PROS1: variants seen among roughly 807,000 people sequenced by gnomAD.
The protein encoded by PROS1 is protein S.
A neutral mutation model predicts 75.9 loss-of-function variants in PROS1; 29 were observed. The observed-to-expected ratio is 0.38, with a 90% CI of 0.28 to 0.52. The LOEUF is 0.52. Among genes scored for constraint, PROS1 ranks in the 20% least tolerant of loss-of-function variants. PROS1 has a pLI of 0.83. For synonymous variants in PROS1, 245 were observed against 280.6 expected, an observed-to-expected ratio of 0.87 and a Z score of 1.27; for missense variants, 680 against 810.3, an observed-to-expected ratio of 0.84 and a Z score of 1.95.
chr3:93,934,935 GA>G (rs571538273), intron 1 of PROS1, among the ~76,000 whole-genome samples: 277 of 139,222 alleles, frequency 2.0e-3, no homozygotes, highest in Non-Finnish European at 2.3e-3. Context: ...CCCTTTCTAG[GA>G]AAAAAAAAAA....
At chr3:93,935,947 G>A (rs1212842334) in intron 1 of PROS1, among the ~76,000 whole-genome samples, 4 of 138,686 alleles carry the variant, frequency 2.9e-5, no homozygotes, top group East Asian at 2.1e-4. Context: ...AGAAACTCAA[G>A]TCCACATTAA....
intron 1 of PROS1, among the ~76,000 whole-genome samples, chr3:93,931,049 C>T (rs1709098016): frequency 6.6e-6 from 1 of 152,092 alleles, no homozygotes. Flanking sequence ...CTAGTTCAGC[C>T]CAACAATGCT....
At chr3:93,915,100 G>T (rs528512694) in intron 3 of PROS1, among the ~76,000 whole-genome samples, 1 of 152,240 alleles carries the variant, frequency 6.6e-6, no homozygotes, top group South Asian at 2.1e-4. Flanking sequence ...TTTTTGCCCT[G>T]ATTCCCTTTT....
intron 1 of PROS1, among the ~76,000 whole-genome samples, chr3:93,946,537 C>CA (rs1162802397): frequency 6.6e-6 from 1 of 151,924 alleles, no homozygotes; most frequent in Non-Finnish European, 1.5e-5. Context: ...ACAAACCTGA[C>CA]AAAAACAAGA....
rs375450616 is a variant in PROS1 at position 93,964,281 on chromosome 3, C to A, written c.76+9393G>T. On this transcript the variant is annotated intron_variant, in intron 1 of 14. Transcript: ENST00000394236. ...GTTGGGCAAAAACAGCCATATTTTT[C>A]TTCTTGCAGAGAGCCTATAAATGGA... 1.1e-3 allele frequency among the ~76,000 whole-genome samples: 166 copies of A among 152,290 alleles called. 1 individual carries two copies. Among genetic ancestry groups the A allele is most frequent in the African/African-American group, 3.7e-3 (153 of 41,576 alleles).
At chr3:93,901,029 G>T in intron 6 of PROS1, 100 bp from the exon 7 acceptor site, 1 of 1,341,916 alleles carries the variant, frequency 7.5e-7, no homozygotes. Flanking sequence ...TTTAATATAT[G>T]TAATGAGATA....
At position 93,934,707 on chromosome 3, in the gene PROS1, G is replaced by A. The variant is rs146518390; in HGVS notation, c.77-7300C>T. Among the ~76,000 whole-genome samples the A allele has an allele frequency of 3.2e-3, 487 of 152,144 alleles. 3 individuals carry two copies. Among genetic ancestry groups the A allele is most frequent in the African/African-American group, 0.011 (455 of 41,508 alleles). On this transcript the variant is annotated intron_variant, in intron 1 of 14. Coordinates refer to ENST00000394236, the MANE Select transcript of PROS1 (RefSeq NM_000313.4). ...AATGAAATGTTACACATATAAAGGC[G>A]AGTTCTAAAACATTAAGGATAGGGG...
At position 93,942,350 on chromosome 3, in the gene PROS1, G is replaced by A. The variant is rs8178601; in HGVS notation, c.77-14943C>T. Among the ~76,000 whole-genome samples, 247 of 152,254 alleles carry A rather than the reference G, an allele frequency of 1.6e-3. 2 individuals carry two copies. Among genetic ancestry groups the A allele is most frequent in the African/African-American group, 5.7e-3 (236 of 41,532 alleles). On this transcript the variant is annotated intron_variant, in intron 1 of 14. Transcript: ENST00000394236. ...CCATGCTGTTATATGGGCAGAAAGA[G>A]GTTGCCTCACTATGCAAAGGTCCTC...
chr3:93,919,320 A>G (rs2107190591), intron 3 of PROS1, among the ~76,000 whole-genome samples: 1 of 152,300 alleles, frequency 6.6e-6, no homozygotes, highest in South Asian at 2.1e-4. Flanking sequence ...AATAGGTAGT[A>G]AAGTAATATC....
rs62909461 is a variant in PROS1 at position 93,927,850 on chromosome 3, C to CATATATATAT, written c.77-453_77-444dup. On this transcript the variant is annotated intron_variant, in intron 1 of 14. Coordinates refer to ENST00000394236, the MANE Select transcript of PROS1 (RefSeq NM_000313.4). ...AGACCCCATTTCTACAAAAAACAAACATATATATATATATATATATATATG... is the reference window on the plus strand; with the variant it reads ...AGACCCCATTTCTACAAAAAACAAACATATATATATATATATATATATATATATATATATG... Among the ~76,000 whole-genome samples the CATATATATAT allele has an allele frequency of 4.9e-3, 572 of 117,780 alleles. 1 individual carries two copies. The highest frequency in any genetic ancestry group is 0.014 in the East Asian group (55 of 3,880). 77.3% of individuals were successfully genotyped at this position (117,780 alleles called of 152,430 possible).
intron 1 of PROS1, among the ~76,000 whole-genome samples, chr3:93,957,104 T>C (rs949233326): frequency 3.3e-5 from 5 of 152,112 alleles, no homozygotes; most frequent in African/African-American, 1.2e-4. Context: ...TCCGAAAATA[T>C]AGTTTTGGTT....
At chr3:93,970,964 T>G (rs1324978758) in intron 1 of PROS1, among the ~76,000 whole-genome samples, 1 of 152,076 alleles carries the variant, frequency 6.6e-6, no homozygotes, top group African/African-American at 2.4e-5. Flanking sequence ...TGCCTGTGAA[T>G]AGCCACTGCA....
chr3:93,919,452 T>C (rs1177948072), intron 3 of PROS1, among the ~76,000 whole-genome samples: 7 of 152,042 alleles, frequency 4.6e-5, no homozygotes, highest in East Asian at 1.9e-4. Context: ...TATTGATCCT[T>C]ATTTGTTTTT....
chr3:93,905,068 G>GA (rs1275181814), intron 6 of PROS1, among the ~76,000 whole-genome samples: 1 of 152,116 alleles, frequency 6.6e-6, no homozygotes, highest in Non-Finnish European at 1.5e-5. Context: ...TTCTGAAAAG[G>GA]AAAAATAAAA....
intron 1 of PROS1, among the ~76,000 whole-genome samples, chr3:93,935,615 CTG>C (rs1709171040): frequency 6.6e-6 from 1 of 152,066 alleles, no homozygotes. Flanking sequence ...AAGTCTGAAA[CTG>C]TGCTTAGAGG....
At chr3:93,903,774 C>T (rs1708632330) in intron 6 of PROS1, among the ~76,000 whole-genome samples, 1 of 151,942 alleles carries the variant, frequency 6.6e-6, no homozygotes, top group Admixed American at 6.6e-5. Context: ...TGGTATCCAG[C>T]ATTGTGATGG....
chr3:93,965,374 T>C (rs956389391), intron 1 of PROS1, among the ~76,000 whole-genome samples: 2 of 152,184 alleles, frequency 1.3e-5, no homozygotes, highest in Admixed American at 6.5e-5. Flanking sequence ...GAGGCGCCCA[T>C]TGCCGCTCCT....
Position 93,892,989 on chromosome 3 carries a change from G to T in PROS1, c.1099C>A (p.His367Asn). 1 of 1,613,210 alleles carries T rather than the reference G, an allele frequency of 6.2e-7. No individual in the cohort carries two copies. Among genetic ancestry groups the T allele is most frequent in the Non-Finnish European group, 8.5e-7 (1 of 1,179,952 alleles). The change falls in exon 10 of 15, where the codon CAT (histidine) becomes AAT (asparagine). Residue 367 changes from histidine (H) to asparagine (N), a missense_variant. Transcript: ENST00000394236. ...CCTCCAGTTGTGATTTTGGATGTAT[G>T]TTCATTCTTAAGCTGAACTTCAATC... ...GKIEVQLKNEHTSKITTGGDV... is the reference protein window; with the variant it reads ...GKIEVQLKNENTSKITTGGDV...
intron 1 of PROS1, among the ~76,000 whole-genome samples, chr3:93,948,120 C>T (rs1311854582): frequency 2.0e-5 from 3 of 152,076 alleles, no homozygotes; most frequent in African/African-American, 7.2e-5. Context: ...TATAAACTAA[C>T]AATCAAAGAT....
Sources: gnomAD v4.1 joint callset for allele counts (sites outside exome capture counted in the v4.1 genomes callset) on GRCh38, gnomAD v4.1.1 for gene constraint, MANE v1.5 for transcripts, NCBI Gene and HGNC (gene_info 2026-07-23, HGNC 2026-07-21) for gene names.